C10orf71: variants seen among roughly 807,000 people sequenced by gnomAD.
C10orf71 encodes the protein cardiac-enriched FHL2-interacting protein.
For missense variants in C10orf71, 1,869 were observed against 1,804.5 expected, an observed-to-expected ratio of 1.04 and a Z score of -0.65; for synonymous variants, 758 against 726.3, an observed-to-expected ratio of 1.04 and a Z score of -0.70.
intron 1 of C10orf71, among the ~76,000 whole-genome samples, chr10:49,303,852 C>T (rs573184885): frequency 6.6e-6 from 1 of 152,332 alleles, no homozygotes; most frequent in East Asian, 1.9e-4. Flanking sequence ...CCTGTTCTCC[C>T]CTTTCCTTCC....
In C10orf71 at chr10:49,326,103, G is replaced by T; in HGVS notation, c.3558G>T (p.Lys1186Asn). 6.4e-7 allele frequency: 1 copy of T among 1,551,734 alleles called. No individual in the cohort carries two copies. The highest frequency in any genetic ancestry group is 8.7e-7 in the Non-Finnish European group (1 of 1,146,994). The stretch of plus-strand genomic sequence containing the variant: ...AGAAAGCCCTGCGGCGGGCAAAGAA[G>T]CTGGCAAGTAAGAGGAGGAAGACGG... Reference protein sequence around the residue: ...KTEKALRRAKKLASKRRKTDQ... With the variant: ...KTEKALRRAKNLASKRRKTDQ... Residue 1186 changes from lysine (K) to asparagine (N), a missense_variant, in exon 3 of 3, where the codon AAG becomes AAT. Lys to Asn is a moderately conservative substitution (Grantham distance 94). Coordinates refer to ENST00000374144, the MANE Select transcript of C10orf71 (RefSeq NM_001135196.2).
rs201976536 is a variant in C10orf71 at position 49,326,870 on chromosome 10, C to T, written c.*17C>T. ...ATTTCTTGAGTTACTGCAGGCTGTC[C>T]CCCACCCCCAGATGAACCCAGAGGA... is the stretch of plus-strand genomic sequence containing the variant. On this transcript the variant is annotated 3_prime_UTR_variant, in exon 3 of 3. Transcript: ENST00000374144. The T allele has an allele frequency of 6.6e-3, 9,834 of 1,499,266 alleles. 42 individuals are homozygous for T. Among genetic ancestry groups the T allele is most frequent in the Non-Finnish European group, 7.8e-3 (8,774 of 1,122,236 alleles). The allele number at this position is 1,499,266 out of a possible 1,614,324, so 92.9% of individuals were successfully genotyped here.
chr10:49,324,437 G>C lies in C10orf71; in HGVS notation c.1892G>C (p.Ser631Thr). The C allele has an allele frequency of 1.2e-6, 2 of 1,609,156 alleles. No homozygotes were observed. Among genetic ancestry groups the C allele is most frequent in the Non-Finnish European group, 1.7e-6 (2 of 1,177,550 alleles). ...TTGGAGATGGGTCCTGCCGGATCCA[G>C]CTGGTGTCCAGACTCCAGGGAACAC... is the stretch of plus-strand genomic sequence containing the variant. ...GELEMGPAGS[S>T]WCPDSREHRP... The change falls in exon 3 of 3, where the codon AGC becomes ACC. Residue 631 changes from serine to threonine, a missense_variant. Physicochemically the swap from Ser to Thr is moderately conservative, Grantham distance 58. Coordinates refer to ENST00000374144, the MANE Select transcript of C10orf71 (RefSeq NM_001135196.2).
Position 49,326,454 on chromosome 10 carries a change from G to A in C10orf71, c.3909G>A (p.Glu1303=), listed in dbSNP as rs1166907964. 6.5e-7 allele frequency: 1 copy of A among 1,550,276 alleles called. No individual in the cohort carries two copies. Among genetic ancestry groups the A allele is most frequent in the Admixed American group, 2.0e-5 (1 of 50,966 alleles). The change falls in exon 3 of 3, where the codon GAG becomes GAA. Residue 1303 remains glutamate (E), a synonymous_variant. Transcript: ENST00000374144. The part of the protein sequence containing the change: ...QVKIKTFYDP[E]TGKYVKVSIP... The stretch of plus-strand genomic sequence containing the variant: ...AAATCAAGACCTTCTATGACCCAGA[G>A]ACGGGCAAGTATGTCAAGGTCTCCA...
At chr10:49,303,925 C>G (rs971017746) in intron 1 of C10orf71, among the ~76,000 whole-genome samples, 1 of 152,206 alleles carries the variant, frequency 6.6e-6, no homozygotes, top group Non-Finnish European at 1.5e-5. Context: ...CATCTACCAG[C>G]TACTTTCCAG....
At position 49,324,661 on chromosome 10, in the gene C10orf71, G is replaced by A. The variant is rs1259202693; in HGVS notation, c.2116G>A (p.Glu706Lys). 1 of 1,613,160 alleles carries A rather than the reference G, an allele frequency of 6.2e-7. No individual in the cohort carries two copies. The change falls in exon 3 of 3, where the codon GAG (glutamate) becomes AAG (lysine). Residue 706 changes from glutamate to lysine, a missense_variant. Coordinates refer to ENST00000374144, the MANE Select transcript of C10orf71 (RefSeq NM_001135196.2). ...KFFPGPLSPE[E>K]EDVFYSDSQS... ...CTTCCCAGGGCCCCTCTCTCCTGAGGAGGAAGATGTGTTTTACAGTGACAG... is the reference window on the plus strand; with the variant it reads ...CTTCCCAGGGCCCCTCTCTCCTGAGAAGGAAGATGTGTTTTACAGTGACAG...
Position 49,324,081 on chromosome 10 carries a change from C to A in C10orf71, c.1536C>A (p.Ser512Arg), listed in dbSNP as rs765766954. 1.7e-5 allele frequency: 28 copies of A among 1,613,844 alleles called. No individual in the cohort carries two copies. Among genetic ancestry groups the A allele is most frequent in the Non-Finnish European group, 2.2e-5 (26 of 1,179,902 alleles). ...AGGACGTGCGGAAGCGTGTTAAGAGCACATACAGTTCCTCACCTCTCTTGA... is the reference window on the plus strand; with the variant it reads ...AGGACGTGCGGAAGCGTGTTAAGAGAACATACAGTTCCTCACCTCTCTTGA... ...NLKDVRKRVK[S>R]TYSSSPLLKV... Residue 512 changes from serine to arginine, a missense_variant, in exon 3 of 3, where the codon AGC (serine) becomes AGA (arginine). Ser to Arg is a moderately radical substitution (Grantham distance 110, BLOSUM62 -1). Coordinates refer to ENST00000374144, the MANE Select transcript of C10orf71 (RefSeq NM_001135196.2).
At chr10:49,317,361 T>A (rs1322222387) in intron 2 of C10orf71, among the ~76,000 whole-genome samples, 1 of 152,240 alleles carries the variant, frequency 6.6e-6, no homozygotes, top group Non-Finnish European at 1.5e-5. Context: ...TGGCCTTCAG[T>A]GGCCATTGCT....
At position 49,324,259 on chromosome 10, in the gene C10orf71, C is replaced by G. The variant is rs763388167; in HGVS notation, c.1714C>G (p.Pro572Ala). 2 of 1,613,826 alleles carry G rather than the reference C, an allele frequency of 1.2e-6. No individual in the cohort carries two copies. Among genetic ancestry groups the G allele is most frequent in the Non-Finnish European group, 1.7e-6 (2 of 1,179,888 alleles). The change falls in exon 3 of 3, where the codon CCC (proline) becomes GCC (alanine). Residue 572 changes from proline (P) to alanine (A), a missense_variant. Physicochemically the swap from Pro to Ala is conservative, Grantham distance 27. Coordinates refer to ENST00000374144, the MANE Select transcript of C10orf71 (RefSeq NM_001135196.2). ...TGACCCCACTGCATCACACATCAAT[C>G]CCCAGAAGGACCCTACAGCTGACCC... is the stretch of plus-strand genomic sequence containing the variant. The part of the protein sequence containing the change: ...ADDPTASHIN[P>A]QKDPTADPSE...
chr10:49,299,735 T>C (rs1241465089), intron 1 of C10orf71, among the ~76,000 whole-genome samples: 2 of 152,204 alleles, frequency 1.3e-5, no homozygotes, highest in Non-Finnish European at 2.9e-5. Context: ...CATGGCTGAG[T>C]GCACAGATGT....
At chr10:49,312,089 T>C (rs955746647) in intron 1 of C10orf71, among the ~76,000 whole-genome samples, 3 of 152,166 alleles carry the variant, frequency 2.0e-5, no homozygotes, top group Non-Finnish European at 4.4e-5. Context: ...CATGTTCAGA[T>C]TGAGTTTGTT....
Position 49,323,213 on chromosome 10 carries a change from A to G in C10orf71, c.668A>G (p.Lys223Arg), listed in dbSNP as rs768341674. 2 of 1,613,988 alleles carry G rather than the reference A, an allele frequency of 1.2e-6. No individual in the cohort carries two copies. The highest frequency in any genetic ancestry group is 1.7e-6 in the Non-Finnish European group (2 of 1,179,876). The part of the protein sequence containing the change: ...GRKHGEQESS[K>R]NPEMACHGSS... ...AAGCACGGAGAACAGGAGTCCTCCA[A>G]GAATCCAGAAATGGCCTGTCACGGC... Residue 223 changes from lysine (K) to arginine (R), a missense_variant, in exon 3 of 3, where the codon AAG (lysine) becomes AGG (arginine). Lys to Arg is a conservative substitution (Grantham distance 26). Coordinates refer to ENST00000374144, the MANE Select transcript of C10orf71 (RefSeq NM_001135196.2).
rs1371515754 is a variant in C10orf71 at position 49,323,683 on chromosome 10, C to G, written c.1138C>G (p.Pro380Ala). The G allele has an allele frequency of 6.2e-7, 1 of 1,613,624 alleles. No homozygotes were observed. Among genetic ancestry groups the G allele is most frequent in the Non-Finnish European group, 8.5e-7 (1 of 1,179,876 alleles). ...TTCTCAAGAGAAGCCAGCCCAGCCC[C>G]CATGGAGGAAGCCAAAGACTGGCAA... is the stretch of plus-strand genomic sequence containing the variant. ...PDSQEKPAQP[P>A]WRKPKTGKKG... is the part of the protein sequence containing the mutation. Residue 380 changes from proline (P) to alanine (A), a missense_variant, in exon 3 of 3, where the codon CCA (proline) becomes GCA (alanine). Pro to Ala is a conservative substitution (Grantham distance 27). Transcript: ENST00000374144.
rs565518722 is a variant in C10orf71 at position 49,306,128 on chromosome 10, C to T, written c.-248+6895C>T. ...CCCTGTCGACCTGGCAGGTGAGGCA[C>T]GGGGCTGCAATGGTCAGGGCCTTCT... On this transcript the variant is annotated intron_variant, in intron 1 of 2. Coordinates refer to ENST00000374144, the MANE Select transcript of C10orf71 (RefSeq NM_001135196.2). Among the ~76,000 whole-genome samples, 9 of 152,344 alleles carry T rather than the reference C, an allele frequency of 5.9e-5. No individual in the cohort carries two copies. The East Asian group carries it at 7.7e-4, about 13-fold the overall frequency.
intron 1 of C10orf71, among the ~76,000 whole-genome samples, chr10:49,311,033 C>A (rs1406531968): frequency 6.6e-6 from 1 of 152,040 alleles, no homozygotes; most frequent in African/African-American, 2.4e-5. Context: ...ACCAACTGTT[C>A]CCTCTGTGCA....
intron 1 of C10orf71, among the ~76,000 whole-genome samples, chr10:49,312,407 TGAGTC>T (rs1848930977): frequency 1.3e-5 from 2 of 152,222 alleles, no homozygotes; most frequent in African/African-American, 4.8e-5. Flanking sequence ...ATGGCGCTGT[TGAGTC>T]CTGCACAATT....
Position 49,325,041 on chromosome 10 carries a change from C to T in C10orf71, c.2496C>T (p.Gly832=), listed in dbSNP as rs776118369. The change falls in exon 3 of 3, where the codon GGC becomes GGT. Residue 832 remains glycine (G), a synonymous_variant. Transcript: ENST00000374144. ...FRGSWIGENK[G]TTFSQAKDLT... ...GCTCTTGGATTGGGGAAAATAAGGG[C>T]ACAACCTTTTCACAGGCCAAAGACC... 4 of 1,551,758 alleles carry T rather than the reference C, an allele frequency of 2.6e-6. No homozygotes were observed. Among genetic ancestry groups the T allele is most frequent in the Non-Finnish European group, 3.5e-6 (4 of 1,147,006 alleles).
At position 49,322,696 on chromosome 10, in the gene C10orf71, T is replaced by C. The variant is rs751900369; in HGVS notation, c.151T>C (p.Ser51Pro). ...CISEDTSFHD[S>P]YLAVSPDITR... ...CTCCGAGGACACATCCTTCCATGAC[T>C]CCTATCTGGCTGTGTCCCCGGATAT... is the stretch of plus-strand genomic sequence containing the variant. The change falls in exon 3 of 3, where the codon TCC (serine) becomes CCC (proline). Residue 51 changes from serine to proline, a missense_variant. Transcript: ENST00000374144. 40 of 1,613,806 alleles carry C rather than the reference T, an allele frequency of 2.5e-5. No individual in the cohort carries two copies. Among genetic ancestry groups the C allele is most frequent in the Non-Finnish European group, 3.3e-5 (39 of 1,179,874 alleles).
At chr10:49,300,727 T>C (rs529387885) in intron 1 of C10orf71, among the ~76,000 whole-genome samples, 5 of 152,258 alleles carry the variant, frequency 3.3e-5, no homozygotes, top group Admixed American at 6.5e-5. Context: ...GATTTATAAA[T>C]AGCCTTCCCC....
Sources: allele counts gnomAD v4.1 joint callset (sites outside exome capture counted in the v4.1 genomes callset), GRCh38; gene constraint gnomAD v4.1.1; transcripts MANE v1.5; gene names NCBI Gene and HGNC (gene_info 2026-07-23, HGNC 2026-07-21).